Variants in B4GALNT3 observed in about 807,000 individuals in gnomAD.
B4GALNT3 encodes the protein beta-1,4-N-acetylgalactosaminyltransferase 3.
Under a neutral mutation model 120.2 loss-of-function variants are expected in B4GALNT3, and 86 were observed. The ratio of observed to expected loss-of-function variants is 0.72; its 90% CI spans 0.60 to 0.86. The LOEUF is 0.86. Ranked by LOEUF, B4GALNT3 falls within the 40% of genes least tolerant of loss-of-function variation. The pLI, the probability that B4GALNT3 is intolerant of heterozygous loss-of-function variation, is 0.00. For synonymous variants in B4GALNT3, 518 were observed against 510.4 expected (o/e 1.01, Z -0.20); for missense variants, 1,167 against 1,298.9 (o/e 0.90, Z 1.56).
At chr12:469,739 A>G (rs1002589057) in intron 1 of B4GALNT3, among the ~76,000 whole-genome samples, 4 of 152,282 alleles carry the variant, frequency 2.6e-5, no homozygotes, top group Admixed American at 1.3e-4. Flanking sequence ...ACTCTGCTGC[A>G]TACCCCTGTG....
intron 1 of B4GALNT3, among the ~76,000 whole-genome samples, chr12:494,335 G>A (rs144449943): frequency 6.6e-6 from 1 of 150,576 alleles, no homozygotes; most frequent in East Asian, 1.9e-4. Flanking sequence ...AGGTCTCATT[G>A]TCCGTTCTTA....
At chr12:527,375 G>C (rs1946766914) in intron 1 of B4GALNT3, among the ~76,000 whole-genome samples, 1 of 152,234 alleles carries the variant, frequency 6.6e-6, no homozygotes. Flanking sequence ...CACCCAGTGG[G>C]GCAGTAGGTA....
intron 3 of B4GALNT3, among the ~76,000 whole-genome samples, chr12:539,972 T>C (rs1262700416): frequency 6.6e-6 from 1 of 152,210 alleles, no homozygotes; most frequent in Non-Finnish European, 1.5e-5. Context: ...ACATAGGAGT[T>C]CCTGGTGTGT....
intron 1 of B4GALNT3, among the ~76,000 whole-genome samples, chr12:528,879 G>T (rs1011002524): frequency 7.2e-5 from 11 of 152,220 alleles, no homozygotes; most frequent in Admixed American, 7.2e-4. Context: ...CTGCTCTCTA[G>T]TGGGAGAAGG....
intron 1 of B4GALNT3, among the ~76,000 whole-genome samples, chr12:509,947 C>T (rs560913223): frequency 2.0e-5 from 3 of 152,344 alleles, no homozygotes; most frequent in East Asian, 3.9e-4. Context: ...ATTATCCACT[C>T]GCCCCTACGA....
chr12:557,559 A>G (rs775351948), intron 15 of B4GALNT3, 49 bp from the exon 16 acceptor site: 2 of 1,573,576 alleles, frequency 1.3e-6, no homozygotes, highest in Non-Finnish European at 1.7e-6. Flanking sequence ...TCATCCGCTC[A>G]TCTTTGCCTT....
intron 1 of B4GALNT3, among the ~76,000 whole-genome samples, chr12:512,736 C>T (rs1405595958): frequency 7.5e-6 from 1 of 132,464 alleles, no homozygotes; most frequent in Non-Finnish European, 1.6e-5. Context: ...CCTTCTTCCA[C>T]CTTTGACCTT....
At chr12:546,228 AG>A (rs1947006156) in intron 6 of B4GALNT3, among the ~76,000 whole-genome samples, 1 of 21,830 alleles carries the variant, frequency 4.6e-5, no homozygotes, top group Admixed American at 6.5e-4. Flanking sequence ...GTGTGGGAGG[AG>A]GGGAGTGGGG....
intron 1 of B4GALNT3, among the ~76,000 whole-genome samples, chr12:522,988 T>G (rs1253066130): frequency 4.0e-5 from 6 of 149,904 alleles, no homozygotes; most frequent in Admixed American, 4.0e-4. Flanking sequence ...ACTTTTATGT[T>G]ATAGGTATTT....
chr12:537,250 A>C (rs1055922398), intron 3 of B4GALNT3, among the ~76,000 whole-genome samples: 7 of 152,170 alleles, frequency 4.6e-5, no homozygotes, highest in Non-Finnish European at 8.8e-5. Context: ...AATATCTTTC[A>C]TTTTTACAGG....
chr12:544,562 T>C lies in B4GALNT3; in HGVS notation c.447+128T>C, dbSNP rs182694033. ...TCCTTTATCTCTTGAGCTCTCTTTT[T>C]GTCTGCCCATAATAGTTCCCTTGTT... On this transcript the variant is annotated intron_variant, in intron 4 of 19. Coordinates refer to ENST00000266383, the MANE Select transcript of B4GALNT3 (RefSeq NM_173593.4). 1.0e-3 allele frequency: 857 copies of C among 857,454 alleles called. 2 individuals are homozygous for C. In the African/African-American group the frequency reaches 0.012, roughly 12 times the overall value. 53.1% of individuals were successfully genotyped at this position (857,454 alleles called of 1,614,324 possible). A position where few individuals can be genotyped will look rare whatever the true frequency, so the allele number is the denominator to read the frequency against.
chr12:545,431 C>T lies in B4GALNT3; in HGVS notation c.601C>T (p.Gln201Ter). ...GGAGTTCTGGCTGAGCCTCGATGACCAGGTCTCAGGCCTCCAGCTGCTGGC... is the reference window on the plus strand; with the variant it reads ...GGAGTTCTGGCTGAGCCTCGATGACTAGGTCTCAGGCCTCCAGCTGCTGGC... ...NAEFWLSLDD[Q>*]VSGLQLLASV... The change falls in exon 6 of 20, where the codon CAG (glutamine) becomes TAG (stop). Residue 201 changes from glutamine (Q) to a stop codon, truncating the protein, a stop_gained. Coordinates refer to ENST00000266383, the MANE Select transcript of B4GALNT3 (RefSeq NM_173593.4). LOFTEE classifies it high-confidence loss of function. The T allele has an allele frequency of 6.2e-7, 1 of 1,610,858 alleles. No homozygotes were observed.
In B4GALNT3 at chr12:558,546, C is replaced by CCA. The variant is rs763175010; in HGVS notation, c.2648_2649dup (p.Phe884ThrfsTer25). On this transcript the variant is annotated frameshift_variant, in exon 18 of 20. Coordinates refer to ENST00000266383, the MANE Select transcript of B4GALNT3 (RefSeq NM_173593.4). LOFTEE classifies it high-confidence loss of function. ...TCATCTTCCTCTGTGACCTCCACAT[C>CCA]CACTTCCCAGCTGGAGTCATCGATG... The CCA allele has an allele frequency of 6.2e-6, 10 of 1,614,172 alleles. No homozygotes were observed. In the East Asian group the frequency reaches 2.0e-4, roughly 32 times the overall value.
chr12:520,805 A>G (rs183562084), intron 1 of B4GALNT3, among the ~76,000 whole-genome samples: 1 of 152,240 alleles, frequency 6.6e-6, no homozygotes, highest in Non-Finnish European at 1.5e-5. Flanking sequence ...AGATATATAC[A>G]TATATGAATT....
chr12:544,363 G>A lies in B4GALNT3; in HGVS notation c.376G>A (p.Val126Met), dbSNP rs754327263. 3 of 1,613,602 alleles carry A rather than the reference G, an allele frequency of 1.9e-6. No individual in the cohort carries two copies. The highest frequency in any genetic ancestry group is 2.5e-6 in the Non-Finnish European group (3 of 1,179,904). Residue 126 changes from valine to methionine, a missense_variant, in exon 4 of 20, where the codon GTG becomes ATG. Val to Met is a conservative substitution (Grantham distance 21, BLOSUM62 1). Around this residue, in one of 3 missense-constraint regions of B4GALNT3, gnomAD observed 13 missense variants for 35.1 expected, o/e 0.37. Transcript: ENST00000266383. ...GTTCCGGGGCCGTGCCAACCTGCATGTGTTTGAAGACTGGTGTGGCAGCTC... is the reference window on the plus strand; with the variant it reads ...GTTCCGGGGCCGTGCCAACCTGCATATGTTTGAAGACTGGTGTGGCAGCTC... The part of the protein sequence containing the change: ...SEFRGRANLH[V>M]FEDWCGSSIQ...
At chr12:530,069 C>T (rs1408269156) in intron 1 of B4GALNT3, among the ~76,000 whole-genome samples, 1 of 133,436 alleles carries the variant, frequency 7.5e-6, no homozygotes, top group South Asian at 2.8e-4. Flanking sequence ...TACATCCTGC[C>T]GTGTACCTTC....
intron 1 of B4GALNT3, among the ~76,000 whole-genome samples, chr12:465,539 C>T (rs933763821): frequency 2.6e-5 from 4 of 151,202 alleles, no homozygotes; most frequent in Non-Finnish European, 2.9e-5. Flanking sequence ...TAATCATAAG[C>T]GTATTTTCTT....
At chr12:464,013 G>C (rs1464614273) in intron 1 of B4GALNT3, among the ~76,000 whole-genome samples, 2 of 152,220 alleles carry the variant, frequency 1.3e-5, no homozygotes, top group East Asian at 1.9e-4. Flanking sequence ...GTGGCATGGT[G>C]GTTCTGGAAC....
chr12:559,273 C>A, intron 18 of B4GALNT3, 22 bp from the exon 19 acceptor site: 2 of 1,613,556 alleles, frequency 1.2e-6, no homozygotes, highest in South Asian at 1.1e-5. Context: ...TCATCTCACC[C>A]GAAGCTCCTG....
Sources: gnomAD v4.1 joint callset for allele counts (sites outside exome capture counted in the v4.1 genomes callset) on GRCh38, gnomAD v4.1.1 for gene constraint, gnomAD v4.1.1 regional missense constraint, MANE v1.5 for transcripts, NCBI Gene and HGNC (gene_info 2026-07-23, HGNC 2026-07-21) for gene names.